The following KYAT1 variants were observed in gnomAD, a reference collection of about 807,000 sequenced individuals.
KYAT1 encodes the protein kynurenine aminotransferase 1.
Under a neutral mutation model 52.4 loss-of-function variants are expected in KYAT1, and 47 were observed. The observed-to-expected ratio is 0.90, with a 90% CI of 0.71 to 1.14. The LOEUF is 1.14. Ranked by LOEUF, KYAT1 falls within the 50% of genes most tolerant of loss-of-function variation. The probability of loss-of-function intolerance (pLI) is 0.00; values close to 1 mark genes in which losing one functional copy is unlikely to be tolerated. For missense variants in KYAT1, 480 were observed against 557.9 expected (o/e 0.86, Z 1.41); for synonymous variants, 212 against 209.6 (o/e 1.01, Z -0.10).
At chr9:128,846,908 C>A (rs897599704) in intron 1 of KYAT1, 1 of 1,465,036 alleles carries the variant, frequency 6.8e-7, no homozygotes, top group Non-Finnish European at 9.2e-7. Context: ...AGTTCCACCT[C>A]GCTCAGTTCC....
Position 128,865,900 on chromosome 9 carries a change from G to A in KYAT1, c.-7+15997C>T, listed in dbSNP as rs117851531. Among the ~76,000 whole-genome samples the A allele has an allele frequency of 7.3e-3, 1,116 of 152,270 alleles. 8 individuals carry two copies. The highest frequency in any genetic ancestry group is 0.019 in the African/African-American group (790 of 41,548). On this transcript the variant is annotated intron_variant, in intron 1 of 12. Coordinates refer to ENST00000302586, the MANE Select transcript of KYAT1 (RefSeq NM_004059.5). ...TAATAGGCTGGCTCTTCCAATGGGC[G>A]TTATGCACCTGGCACAGAGCAGCTG...
At chr9:128,864,815 A>C (rs1657949883) in intron 1 of KYAT1, among the ~76,000 whole-genome samples, 1 of 151,584 alleles carries the variant, frequency 6.6e-6, no homozygotes, top group South Asian at 2.1e-4. Flanking sequence ...CACCATGTTG[A>C]CCAGGCTGGT....
intron 1 of KYAT1, among the ~76,000 whole-genome samples, chr9:128,880,445 A>ATT (rs201602581): frequency 7.0e-6 from 1 of 143,374 alleles, no homozygotes. Context: ...CCTGGCTATG[A>ATT]TTTTTTTTTT....
Position 128,845,341 on chromosome 9 carries a change from C to A in KYAT1, c.53+12G>T. 6.2e-7 allele frequency: 1 copy of A among 1,613,080 alleles called. No individual in the cohort carries two copies. Among genetic ancestry groups the A allele is most frequent in the Non-Finnish European group, 8.5e-7 (1 of 1,179,518 alleles). On this transcript the variant is annotated intron_variant, in intron 2 of 12. Transcript: ENST00000302586. ...GGGACACCCACACACCTCCCCAGCC[C>A]AGCTGGCTCACCAGGGGTTGTAGTC...
At chr9:128,849,883 C>CTTTTTTTTTTT (rs537211110) in intron 1 of KYAT1, among the ~76,000 whole-genome samples, 2 of 91,962 alleles carry the variant, frequency 2.2e-5, no homozygotes, top group Admixed American at 1.4e-4. Flanking sequence ...TTATTTTCTT[C>CTTTTTTTTTTT]TTTTTTTTTT....
intron 1 of KYAT1, 36 bp from the exon 2 acceptor site, chr9:128,845,447 C>G: frequency 6.2e-7 from 1 of 1,607,020 alleles, no homozygotes; most frequent in Non-Finnish European, 8.5e-7. Context: ...GAGATGGAAT[C>G]TGTCTGGGTG....
At chr9:128,882,193 G>C (rs147093925), upstream of KYAT1, 1 of 153,076 alleles carries the variant, frequency 6.5e-6, no homozygotes, top group Non-Finnish European at 1.5e-5. Context: ...GCCGGCGGCG[G>C]GACGGAGCGG....
At chr9:128,866,375 G>T (rs1188445076) in intron 1 of KYAT1, among the ~76,000 whole-genome samples, 2 of 151,438 alleles carry the variant, frequency 1.3e-5, no homozygotes, top group African/African-American at 4.9e-5. Flanking sequence ...TGAGGCAGGC[G>T]GATCACCTGA....
chr9:128,838,093 T>G lies in KYAT1; in HGVS notation c.396A>C (p.Thr132=), dbSNP rs377022485. The G allele has an allele frequency of 5.3e-5, 86 of 1,614,096 alleles. No individual in the cohort carries two copies. In the African/African-American group the frequency reaches 9.7e-4, roughly 18 times the overall value. Residue 132 remains threonine, a synonymous_variant, in exon 5 of 13, where the codon ACA becomes ACC. Coordinates refer to ENST00000302586, the MANE Select transcript of KYAT1 (RefSeq NM_004059.5). Reference sequence around the variant, plus strand: ...ACACAGGACGACCCCCTGCCATCATTGTCATGGGCTCGTAGCAGTCAAAAA... The same window carrying G: ...ACACAGGACGACCCCCTGCCATCATGGTCATGGGCTCGTAGCAGTCAAAAA... The part of the protein sequence containing the change: ...EPFFDCYEPM[T]MMAGGRPVFV...
At chr9:128,875,248 G>GTTGTTT (rs1837818052) in intron 1 of KYAT1, among the ~76,000 whole-genome samples, 1 of 108,344 alleles carries the variant, frequency 9.2e-6, no homozygotes. Context: ...GTTTTTTTTT[G>GTTGTTT]TTTTTTTTTT....
At chr9:128,842,519 A>G in intron 3 of KYAT1, 135 bp downstream of exon 3, 1 of 884,770 alleles carries the variant, frequency 1.1e-6, no homozygotes, top group Non-Finnish European at 1.7e-6. Context: ...GGATACGCTC[A>G]GTAAACACTG....
intron 1 of KYAT1, among the ~76,000 whole-genome samples, chr9:128,876,409 CTTTT>C: frequency 8.0e-6 from 1 of 124,536 alleles, no homozygotes; most frequent in African/African-American, 2.9e-5. Flanking sequence ...ATCCTTTGTT[CTTTT>C]TTTTTTTTTT....
At chr9:128,846,619 AAAAAAAG>A in intron 1 of KYAT1, 1 of 1,060,632 alleles carries the variant, frequency 9.4e-7, no homozygotes, top group Non-Finnish European at 1.3e-6. Context: ...AAAAAAAAAA[AAAAAAAG>A]AAAGAAAGAA....
chr9:128,847,457 T>TG, intron 1 of KYAT1: 1 of 1,535,732 alleles, frequency 6.5e-7, no homozygotes. Flanking sequence ...ACCAAGTGAG[T>TG]GGGGCTCCAG....
At chr9:128,836,770 C>T in intron 7 of KYAT1, 32 bp downstream of exon 7, 1 of 1,606,426 alleles carries the variant, frequency 6.2e-7, no homozygotes. Context: ...CACCAATGTG[C>T]AGGGGAGGGG....
intron 1 of KYAT1, among the ~76,000 whole-genome samples, chr9:128,854,260 T>C (rs2119339511): frequency 6.6e-6 from 1 of 152,270 alleles, no homozygotes; most frequent in East Asian, 1.9e-4. Flanking sequence ...CAGATGCAAC[T>C]TAATCTAGCA....
intron 1 of KYAT1, among the ~76,000 whole-genome samples, chr9:128,873,168 A>G (rs992355442): frequency 6.6e-6 from 1 of 151,818 alleles, no homozygotes; most frequent in Non-Finnish European, 1.5e-5. Flanking sequence ...AATAATTAAT[A>G]AGACAATTGT....
intron 1 of KYAT1, among the ~76,000 whole-genome samples, chr9:128,856,150 A>ATAACCTTACTT (rs1834563831): frequency 1.3e-5 from 2 of 152,214 alleles, no homozygotes; most frequent in African/African-American, 4.8e-5. Context: ...GGAAGAGAAG[A>ATAACCTTACTT]TAACCTTACT....
chr9:128,855,161 A>G (rs1834443122), intron 1 of KYAT1, among the ~76,000 whole-genome samples: 1 of 152,202 alleles, frequency 6.6e-6, no homozygotes, highest in Non-Finnish European at 1.5e-5. Flanking sequence ...ACAAAACAAT[A>G]AATTTGGAAC....
Sources: gnomAD v4.1 joint callset for allele counts (sites outside exome capture counted in the v4.1 genomes callset) on GRCh38, gnomAD v4.1.1 for gene constraint, MANE v1.5 for transcripts, NCBI Gene and HGNC (gene_info 2026-07-23, HGNC 2026-07-21) for gene names.